The following TMEFF2 variants were observed in gnomAD, a reference collection of about 807,000 sequenced individuals.
TMEFF2 encodes the protein tomoregulin-2.
TMEFF2 carries 28 observed loss-of-function variants against 53.8 expected under a neutral mutation model. That is an observed-to-expected ratio of 0.52 (90% CI 0.39 to 0.71). The LOEUF is 0.71. Among genes scored for constraint, TMEFF2 ranks in the 30% least tolerant of loss-of-function variants. The probability of loss-of-function intolerance (pLI) is 0.00; values close to 1 mark genes in which losing one functional copy is unlikely to be tolerated. For synonymous variants in TMEFF2, 162 were observed against 166.3 expected (o/e 0.97, Z 0.20); for missense variants, 353 against 455.2 (o/e 0.78, Z 2.04).
chr2:192,064,604 A>G lies in TMEFF2; in HGVS notation c.440-6829T>C, dbSNP rs142980080. Among the ~76,000 whole-genome samples the G allele has an allele frequency of 3.4e-3, 511 of 151,840 alleles. 4 individuals are homozygous for G. Among genetic ancestry groups the G allele is most frequent in the African/African-American group, 0.012 (487 of 41,480 alleles). ...GTAGATTGTATCATTTCCCCCCATT[A>G]TCTTTCCTCCCTTTCTGATAAAAGG... On this transcript the variant is annotated intron_variant, in intron 4 of 9. Transcript: ENST00000272771.
chr2:192,028,591 G>A (rs1687034936), intron 5 of TMEFF2: 1 of 151,960 alleles, frequency 6.6e-6, no homozygotes, highest in African/African-American at 2.4e-5. Flanking sequence ...AAAAAGACAG[G>A]GCAGACTGTA....
At chr2:191,950,528 TATCATTA>T in intron 9 of TMEFF2, 121 bp from the exon 10 acceptor site, 1 of 1,347,844 alleles carries the variant, frequency 7.4e-7, no homozygotes, top group Non-Finnish European at 1.1e-6. Context: ...TGAAAGAATT[TATCATTA>T]GTAGAAGCTT....
intron 4 of TMEFF2, among the ~76,000 whole-genome samples, chr2:192,127,381 G>A (rs777092266): frequency 1.3e-5 from 2 of 152,134 alleles, no homozygotes; most frequent in Non-Finnish European, 2.9e-5. Context: ...ACACTCAATG[G>A]TGTTAGAATA....
At chr2:192,062,348 C>T (rs1688064590) in intron 4 of TMEFF2, among the ~76,000 whole-genome samples, 1 of 152,058 alleles carries the variant, frequency 6.6e-6, no homozygotes, top group Non-Finnish European at 1.5e-5. Flanking sequence ...CTTTTTATTG[C>T]TTAGTATTCC....
intron 7 of TMEFF2, among the ~76,000 whole-genome samples, chr2:191,991,729 A>G (rs1686112493): frequency 6.6e-6 from 1 of 152,114 alleles, no homozygotes; most frequent in African/African-American, 2.4e-5. Context: ...GAGCATTTCA[A>G]ATAGGAAAAA....
intron 4 of TMEFF2, among the ~76,000 whole-genome samples, chr2:192,076,988 G>A (rs73982374): frequency 0.018 from 2,750 of 152,226 alleles, 83 homozygotes; most frequent in African/African-American, 0.062. Flanking sequence ...CCTACTGTTA[G>A]CATTTCATTT....
rs1574453989 is a variant in TMEFF2 at position 192,194,659 on chromosome 2, G to T, written c.-135C>A. On this transcript the variant is annotated 5_prime_UTR_variant, in exon 1 of 10. Coordinates refer to ENST00000272771, the MANE Select transcript of TMEFF2 (RefSeq NM_016192.4). This position sits in a 1 kb window ranked among gnomAD's most constrained non-coding sequence, Gnocchi z 4.2. Reference sequence around the variant, plus strand: ...CGGCGGTGGCAGTGGCACCCGGCGGGGAAGCAGCAGCCAAACCCGCGCATG... The same window carrying T: ...CGGCGGTGGCAGTGGCACCCGGCGGTGAAGCAGCAGCCAAACCCGCGCATG... 2.6e-5 allele frequency: 24 copies of T among 935,156 alleles called. 1 individual carries two copies. In the East Asian group the frequency reaches 6.3e-4, roughly 24 times the overall value. 57.9% of individuals were successfully genotyped at this position (935,156 alleles called of 1,614,324 possible). A position where few individuals can be genotyped will look rare whatever the true frequency, so the allele number is the denominator to read the frequency against.
chr2:192,021,626 G>T (rs943429706), intron 5 of TMEFF2, among the ~76,000 whole-genome samples: 1 of 152,086 alleles, frequency 6.6e-6, no homozygotes, highest in African/African-American at 2.4e-5. Context: ...TAACATGCAG[G>T]ACTCCATGTG....
intron 4 of TMEFF2, among the ~76,000 whole-genome samples, chr2:192,174,942 C>T (rs1691002664): frequency 6.6e-6 from 1 of 151,554 alleles, no homozygotes; most frequent in Non-Finnish European, 1.5e-5. Context: ...ATTACTTAGC[C>T]TTTTACAAGC....
intron 4 of TMEFF2, among the ~76,000 whole-genome samples, chr2:192,124,249 T>C (rs535426357): frequency 1.1e-3 from 174 of 152,336 alleles, no homozygotes; most frequent in Non-Finnish European, 2.0e-3. Context: ...AGTCTGAAAA[T>C]TGGAGGGAAT....
intron 4 of TMEFF2, among the ~76,000 whole-genome samples, chr2:192,102,669 C>T (rs1352471330): frequency 8.9e-5 from 11 of 123,056 alleles, no homozygotes; most frequent in African/African-American, 3.4e-4. Context: ...TGCTCTGTCA[C>T]CCAAGCTGGA....
At chr2:192,003,942 ACACT>A (rs1435000313) in intron 5 of TMEFF2, among the ~76,000 whole-genome samples, 4 of 140,668 alleles carry the variant, frequency 2.8e-5, no homozygotes, top group African/African-American at 1.1e-4. Context: ...GGGGGGGCTC[ACACT>A]CACCTCCATG....
chr2:192,057,623 A>C lies in TMEFF2; in HGVS notation c.536+56T>G. ...TGTTGCAGAATGGTTGATGGTGTTA[A>C]AAAGAAATTAATCACTGTCATTATT... On this transcript the variant is annotated intron_variant, in intron 5 of 9. Coordinates refer to ENST00000272771, the MANE Select transcript of TMEFF2 (RefSeq NM_016192.4). The C allele has an allele frequency of 2.8e-6, 4 of 1,444,946 alleles. No individual in the cohort carries two copies. In the South Asian group the frequency reaches 3.4e-5, roughly 12 times the overall value. 89.5% of individuals were successfully genotyped at this position (1,444,946 alleles called of 1,614,324 possible).
chr2:192,004,588 CT>C (rs1222050117), intron 5 of TMEFF2, among the ~76,000 whole-genome samples: 18 of 151,966 alleles, frequency 1.2e-4, no homozygotes, highest in Non-Finnish European at 2.5e-4. Context: ...TGAGAGCAAC[CT>C]GGGCAAAATA....
At chr2:192,069,263 C>T (rs1355381913) in intron 4 of TMEFF2, among the ~76,000 whole-genome samples, 2 of 151,704 alleles carry the variant, frequency 1.3e-5, no homozygotes, top group Non-Finnish European at 2.9e-5. Flanking sequence ...CGCTAGAACC[C>T]CTGAAGACCT....
intron 5 of TMEFF2, among the ~76,000 whole-genome samples, chr2:192,019,534 T>C (rs545161336): frequency 1.3e-5 from 2 of 152,150 alleles, no homozygotes; most frequent in East Asian, 3.9e-4. Flanking sequence ...GAAAAAATAA[T>C]GTTAATGTAA....
chr2:192,181,311 A>C (rs1691178913), intron 3 of TMEFF2, among the ~76,000 whole-genome samples: 1 of 148,668 alleles, frequency 6.7e-6, no homozygotes, highest in Non-Finnish European at 1.5e-5. Context: ...GCTAAATAAC[A>C]GACTGTGGTA....
At chr2:192,120,669 T>C (rs936536752) in intron 4 of TMEFF2, among the ~76,000 whole-genome samples, 1 of 152,222 alleles carries the variant, frequency 6.6e-6, no homozygotes, top group Non-Finnish European at 1.5e-5. Flanking sequence ...ACAATGCTTG[T>C]TTCTATTTGC....
chr2:192,156,916 G>T (rs7563156), intron 4 of TMEFF2, among the ~76,000 whole-genome samples: 8,114 of 152,034 alleles, frequency 0.053, 653 homozygotes, highest in African/African-American at 0.18. Context: ...GTTAACATAT[G>T]TTCTTAAAGT....
Sources: allele counts gnomAD v4.1 joint callset (sites outside exome capture counted in the v4.1 genomes callset), GRCh38; gene constraint gnomAD v4.1.1; non-coding constraint Gnocchi (gnomAD v3.1); transcripts MANE v1.5; gene names NCBI Gene and HGNC (gene_info 2026-07-23, HGNC 2026-07-21).